Variants in CCDC146 observed in about 807,000 individuals in gnomAD.
The protein encoded by CCDC146 is coiled-coil domain-containing protein 146.
CCDC146 carries 92 observed loss-of-function variants against 119.3 expected under a neutral mutation model. That is an observed-to-expected ratio of 0.77 (90% CI 0.65 to 0.92). CCDC146 has a LOEUF of 0.92. CCDC146 is among the 40% of genes least tolerant of loss of function. The probability of loss-of-function intolerance (pLI) is 0.00; values close to 1 mark genes in which losing one functional copy is unlikely to be tolerated. For missense variants in CCDC146, 1,000 were observed against 1,103.0 expected (o/e 0.91, Z 1.32); for synonymous variants, 372 against 371.8 (o/e 1.00, Z -0.01).
At position 77,292,972 on chromosome 7, in the gene CCDC146, G is replaced by T; in HGVS notation, c.2436G>T (p.Arg812Ser). Residue 812 changes from arginine to serine, a missense_variant, in exon 18 of 19, where the codon AGG (arginine) becomes AGT (serine). Transcript: ENST00000285871. ...LAKKMNGYQR[R>S]IKNATEKMMA... ...TCTAGATGAATGGCTATCAAAGAAGGATCAAAAATGCAACTGAGAAAATGA... is the reference window on the plus strand; with the variant it reads ...TCTAGATGAATGGCTATCAAAGAAGTATCAAAAATGCAACTGAGAAAATGA... The T allele has an allele frequency of 6.2e-7, 1 of 1,613,834 alleles. No individual in the cohort carries two copies. The highest frequency in any genetic ancestry group is 8.5e-7 in the Non-Finnish European group (1 of 1,179,950).
chr7:77,259,859 A>G (rs1793254631), intron 7 of CCDC146, 150 bp from the exon 8 acceptor site: 2 of 617,410 alleles, frequency 3.2e-6, no homozygotes, highest in Non-Finnish European at 5.7e-6. Flanking sequence ...TGCTGAGATC[A>G]TTGAATTTAT....
chr7:77,280,523 G>T lies in CCDC146; in HGVS notation c.1789G>T (p.Glu597Ter). Residue 597 changes from glutamate to a stop codon, truncating the protein, a stop_gained, in exon 14 of 19, where the codon GAA (glutamate) becomes TAA (stop). Transcript: ENST00000285871. LOFTEE classifies it high-confidence loss of function. The part of the protein sequence containing the change: ...DVRKIVSKLQ[E>*]MKEKKEAQLN... Reference sequence around the variant, plus strand: ...GCGCAAAATTGTATCAAAACTTCAGGAAATGAAAGAAAAGAAGGAAGCCCA... The same window carrying T: ...GCGCAAAATTGTATCAAAACTTCAGTAAATGAAAGAAAAGAAGGAAGCCCA... The T allele has an allele frequency of 6.2e-7, 1 of 1,614,034 alleles. No homozygotes were observed.
chr7:77,241,959 A>T, intron 4 of CCDC146, 59 bp downstream of exon 4: 2 of 1,370,592 alleles, frequency 1.5e-6, no homozygotes, highest in Non-Finnish European at 1.0e-6. Context: ...ATAGAAAAAA[A>T]TCAGATTAAG....
chr7:77,242,864 G>A (rs947970259), intron 4 of CCDC146, among the ~76,000 whole-genome samples: 1 of 151,506 alleles, frequency 6.6e-6, no homozygotes, highest in Non-Finnish European at 1.5e-5. Context: ...TCCTCTCTTT[G>A]GGGCCTATTT....
chr7:77,239,799 G>A (rs1421467855), intron 3 of CCDC146, among the ~76,000 whole-genome samples: 1 of 152,190 alleles, frequency 6.6e-6, no homozygotes, highest in Non-Finnish European at 1.5e-5. Context: ...GCATAGAGGA[G>A]TTCTATAAGA....
chr7:77,250,319 T>C (rs1390090933), intron 4 of CCDC146, among the ~76,000 whole-genome samples: 1 of 152,126 alleles, frequency 6.6e-6, no homozygotes, highest in Non-Finnish European at 1.5e-5. Flanking sequence ...CCTATATAAT[T>C]TTCCTTCCCT....
intron 2 of CCDC146, among the ~76,000 whole-genome samples, chr7:77,172,363 G>A (rs1332231071): frequency 6.6e-6 from 1 of 152,162 alleles, no homozygotes; most frequent in Admixed American, 6.5e-5. Flanking sequence ...AACAGAAACT[G>A]TATCTGCAAA....
At chr7:77,182,172 G>A (rs888460827) in intron 2 of CCDC146, among the ~76,000 whole-genome samples, 17 of 152,096 alleles carry the variant, frequency 1.1e-4, no homozygotes, top group Non-Finnish European at 1.6e-4. Context: ...GAATTTTGCT[G>A]TCTATAAAGG....
intron 8 of CCDC146, among the ~76,000 whole-genome samples, chr7:77,261,277 T>C (rs1243108415): frequency 6.6e-6 from 1 of 152,106 alleles, no homozygotes; most frequent in Non-Finnish European, 1.5e-5. Flanking sequence ...CCTCCCATCC[T>C]CTACCCTCCA....
At chr7:77,248,244 G>T (rs1412260723) in intron 4 of CCDC146, among the ~76,000 whole-genome samples, 2 of 152,144 alleles carry the variant, frequency 1.3e-5, no homozygotes, top group African/African-American at 4.8e-5. Flanking sequence ...CGTAGAGTGT[G>T]GACTAGTAGA....
chr7:77,132,601 G>A (rs1299412787), intron 1 of CCDC146, among the ~76,000 whole-genome samples: 2 of 151,254 alleles, frequency 1.3e-5, no homozygotes, highest in Non-Finnish European at 2.9e-5. Flanking sequence ...GCCAGTCATG[G>A]TGGCACACAC....
At position 77,279,119 on chromosome 7, in the gene CCDC146, T is replaced by C. The variant is rs369158339; in HGVS notation, c.1694+18T>C. 39 of 1,599,592 alleles carry C rather than the reference T, an allele frequency of 2.4e-5. No individual in the cohort carries two copies. Among genetic ancestry groups the C allele is most frequent in the Non-Finnish European group, 3.2e-5 (38 of 1,176,168 alleles). ...CAAGAAAGGTAAGTGTTATAATAAC[T>C]ATTGGCCTTTCAAAGGCTTGTTTTC... is the stretch of plus-strand genomic sequence containing the variant. On this transcript the variant is annotated intron_variant, in intron 13 of 18. Coordinates refer to ENST00000285871, the MANE Select transcript of CCDC146 (RefSeq NM_020879.3).
chr7:77,222,314 G>A (rs1218833082), intron 2 of CCDC146, among the ~76,000 whole-genome samples: 2 of 152,172 alleles, frequency 1.3e-5, no homozygotes, highest in African/African-American at 2.4e-5. Context: ...AAGGGCACTC[G>A]GGGATGCCTC....
At chr7:77,193,886 T>C (rs1417096399) in intron 2 of CCDC146, 1 of 152,576 alleles carries the variant, frequency 6.6e-6, no homozygotes, top group Non-Finnish European at 1.5e-5. Flanking sequence ...TATTAGCATA[T>C]ATTGGTGAAT....
At chr7:77,145,369 C>G (rs1007197372) in intron 1 of CCDC146, among the ~76,000 whole-genome samples, 3 of 151,866 alleles carry the variant, frequency 2.0e-5, no homozygotes, top group Non-Finnish European at 1.5e-5. Context: ...AAAAAACCAG[C>G]TCCTGGATTC....
intron 2 of CCDC146, among the ~76,000 whole-genome samples, chr7:77,190,622 A>C (rs1791746390): frequency 2.0e-5 from 3 of 152,218 alleles, no homozygotes; most frequent in Admixed American, 6.5e-5. Context: ...GGGCCCACTC[A>C]TGTTTGGGAA....
Position 77,169,659 on chromosome 7 carries a change from G to A in CCDC146, c.156+1835G>A, listed in dbSNP as rs140912406. Among the ~76,000 whole-genome samples the A allele has an allele frequency of 9.7e-4, 147 of 152,152 alleles. 4 individuals are homozygous for A. The highest frequency in any genetic ancestry group is 3.3e-3 in the African/African-American group (138 of 41,510). ...TGTCATTCCTTCTCATGCTATCATT[G>A]TCCCACATTTGGCCAGTGTACACCC... On this transcript the variant is annotated intron_variant, in intron 2 of 18. Coordinates refer to ENST00000285871, the MANE Select transcript of CCDC146 (RefSeq NM_020879.3).
At chr7:77,209,966 C>T (rs189146517) in intron 2 of CCDC146, among the ~76,000 whole-genome samples, 1 of 152,214 alleles carries the variant, frequency 6.6e-6, no homozygotes, top group Non-Finnish European at 1.5e-5. Flanking sequence ...TCCTAGGCCT[C>T]CAGGCCTGTG....
At chr7:77,227,702 G>C (rs1396262005) in intron 2 of CCDC146, among the ~76,000 whole-genome samples, 3 of 152,152 alleles carry the variant, frequency 2.0e-5, no homozygotes, top group African/African-American at 7.2e-5. Flanking sequence ...ACTAGGACCT[G>C]ATCACAGTAC....
Sources: gnomAD v4.1 joint callset for allele counts (sites outside exome capture counted in the v4.1 genomes callset) on GRCh38, gnomAD v4.1.1 for gene constraint, MANE v1.5 for transcripts, NCBI Gene and HGNC (gene_info 2026-07-23, HGNC 2026-07-21) for gene names.